The following MACROD2 variants were observed in gnomAD, a reference collection of about 807,000 sequenced individuals.
The protein encoded by MACROD2 is ADP-ribose glycohydrolase MACROD2.
In MACROD2, 36 loss-of-function variants were observed where a neutral mutation model predicts 70.4. The ratio of observed to expected loss-of-function variants is 0.51; its 90% CI spans 0.39 to 0.68. MACROD2 has a LOEUF of 0.68. Ranked by LOEUF, MACROD2 falls within the 30% of genes least tolerant of loss-of-function variation. The pLI is 0.00. For missense variants in MACROD2, 496 were observed against 538.4 expected, an observed-to-expected ratio of 0.92 and a Z score of 0.78; for synonymous variants, 172 against 178.8, an observed-to-expected ratio of 0.96 and a Z score of 0.30.
At chr20:14,220,493 C>G (rs1160539761) in intron 3 of MACROD2, among the ~76,000 whole-genome samples, 1 of 152,186 alleles carries the variant, frequency 6.6e-6, no homozygotes, top group Non-Finnish European at 1.5e-5. Flanking sequence ...GGTTCTTCCC[C>G]TGCCTGTGGA....
chr20:15,859,167 C>A (rs986775115), intron 8 of MACROD2, among the ~76,000 whole-genome samples: 1 of 151,908 alleles, frequency 6.6e-6, no homozygotes, highest in African/African-American at 2.4e-5. Context: ...GGAAGTGGAT[C>A]ATCATAAAGG....
chr20:15,163,529 T>G (rs901243173), intron 5 of MACROD2, among the ~76,000 whole-genome samples: 3 of 152,064 alleles, frequency 2.0e-5, no homozygotes, highest in Non-Finnish European at 4.4e-5. Flanking sequence ...GTAATTTACA[T>G]AAGTATAGAA....
At chr20:14,563,457 C>G (rs1979573717) in intron 4 of MACROD2, among the ~76,000 whole-genome samples, 1 of 151,894 alleles carries the variant, frequency 6.6e-6, no homozygotes, top group South Asian at 2.1e-4. Context: ...TTGAAATATG[C>G]TGACAGTACC....
intron 6 of MACROD2, among the ~76,000 whole-genome samples, chr20:15,320,253 G>A (rs1373389732): frequency 1.3e-5 from 2 of 152,084 alleles, no homozygotes; most frequent in African/African-American, 2.4e-5. Flanking sequence ...AGAGGAGGGG[G>A]AAATAGCTAA....
rs1008583 is a variant in MACROD2 at position 15,808,477 on chromosome 20, C to T, written c.646-54268C>T. ...TACATATGTTTTTGAATTCTACATGCATACACAAAATGATTAAGAAGGTAT... is the reference window on the plus strand; with the variant it reads ...TACATATGTTTTTGAATTCTACATGTATACACAAAATGATTAAGAAGGTAT... On this transcript the variant is annotated intron_variant, in intron 8 of 17. Coordinates refer to ENST00000684519, the MANE Select transcript of MACROD2 (RefSeq NM_001351661.2). 3.8e-3 allele frequency among the ~76,000 whole-genome samples: 572 copies of T among 152,196 alleles called. 14 individuals are homozygous for T. Among genetic ancestry groups the T allele is most frequent in the Admixed American group, 0.035 (537 of 15,278 alleles).
At chr20:14,954,617 A>T (rs2074505060) in intron 5 of MACROD2, among the ~76,000 whole-genome samples, 1 of 131,348 alleles carries the variant, frequency 7.6e-6, no homozygotes, top group Non-Finnish European at 1.6e-5. Context: ...GTTATTATAT[A>T]TAATTTATAT....
intron 2 of MACROD2, among the ~76,000 whole-genome samples, chr20:14,083,772 T>C (rs894993241): frequency 1.3e-5 from 2 of 151,762 alleles, no homozygotes; most frequent in African/African-American, 4.8e-5. Flanking sequence ...AACCAGTGAG[T>C]ATTTTGATAG....
intron 8 of MACROD2, among the ~76,000 whole-genome samples, chr20:15,573,410 T>C (rs1021541577): frequency 6.6e-6 from 1 of 152,182 alleles, no homozygotes; most frequent in Non-Finnish European, 1.5e-5. Flanking sequence ...GATTTCAAAT[T>C]ACTGTGTTCT....
intron 2 of MACROD2, among the ~76,000 whole-genome samples, chr20:14,079,917 C>A (rs1403786870): frequency 6.6e-6 from 1 of 152,080 alleles, no homozygotes; most frequent in Non-Finnish European, 1.5e-5. Context: ...TCTTCCCTAC[C>A]CCCAGTCTGT....
At chr20:14,479,573 C>T (rs1162123646) in intron 3 of MACROD2, among the ~76,000 whole-genome samples, 1 of 152,094 alleles carries the variant, frequency 6.6e-6, no homozygotes, top group Non-Finnish European at 1.5e-5. Flanking sequence ...GTTCTCTAAT[C>T]AGTTCACCCT....
At chr20:15,105,873 C>T (rs1020695964) in intron 5 of MACROD2, among the ~76,000 whole-genome samples, 4 of 152,010 alleles carry the variant, frequency 2.6e-5, no homozygotes, top group South Asian at 2.1e-4. Context: ...TAAGTTCATG[C>T]GACGACAATT....
At chr20:14,850,290 C>A in intron 5 of MACROD2, 1 of 172,684 alleles carries the variant, frequency 5.8e-6, no homozygotes, top group Admixed American at 5.8e-5. Context: ...AAGTATGAAA[C>A]ATTCTGAGGA....
At chr20:14,317,024 C>A (rs964364275) in intron 3 of MACROD2, among the ~76,000 whole-genome samples, 1 of 152,134 alleles carries the variant, frequency 6.6e-6, no homozygotes, top group Non-Finnish European at 1.5e-5. Context: ...TTATTCAGGC[C>A]TACCTTGCTG....
chr20:15,348,499 A>G (rs2146218472), intron 6 of MACROD2, among the ~76,000 whole-genome samples: 1 of 152,354 alleles, frequency 6.6e-6, no homozygotes, highest in Middle Eastern at 3.4e-3. Context: ...ACACTGCTAA[A>G]GAATATGAGT....
intron 4 of MACROD2, among the ~76,000 whole-genome samples, chr20:14,642,969 C>G (rs1423555309): frequency 6.6e-6 from 1 of 151,462 alleles, no homozygotes; most frequent in African/African-American, 2.4e-5. Flanking sequence ...CCGTGGAGCA[C>G]AGTAAAGTAA....
intron 4 of MACROD2, among the ~76,000 whole-genome samples, chr20:14,593,665 G>T (rs1300442502): frequency 2.0e-5 from 3 of 152,030 alleles, no homozygotes; most frequent in Non-Finnish European, 4.4e-5. Flanking sequence ...TTATTAAAAA[G>T]ATATTTACTT....
intron 8 of MACROD2, among the ~76,000 whole-genome samples, chr20:15,843,684 G>A (rs568422071): frequency 6.6e-5 from 10 of 152,016 alleles, no homozygotes; most frequent in African/African-American, 1.7e-4. Flanking sequence ...TTCTACCATG[G>A]GCCCATTTAA....
chr20:14,549,246 G>T (rs532915919), intron 4 of MACROD2, among the ~76,000 whole-genome samples: 1 of 152,130 alleles, frequency 6.6e-6, no homozygotes, highest in South Asian at 2.1e-4. Flanking sequence ...CTATATTTGG[G>T]GGGAGAGGAG....
chr20:15,929,378 C>T (rs115230699), intron 10 of MACROD2, among the ~76,000 whole-genome samples: 119 of 152,194 alleles, frequency 7.8e-4, no homozygotes, highest in African/African-American at 2.8e-3. Flanking sequence ...TGGTCAAGTC[C>T]AACATCAATG....
Sources: gnomAD v4.1 joint callset for allele counts (sites outside exome capture counted in the v4.1 genomes callset) on GRCh38, gnomAD v4.1.1 for gene constraint, MANE v1.5 for transcripts, NCBI Gene and HGNC (gene_info 2026-07-23, HGNC 2026-07-21) for gene names.